DNM3: variants seen among roughly 807,000 people sequenced by gnomAD.
DNM3 encodes the protein dynamin 3, also known as dynamin-3.
In DNM3, 47 loss-of-function variants were observed where a neutral mutation model predicts 101.6. The observed-to-expected ratio is 0.46, with a 90% CI of 0.37 to 0.59. The LOEUF is 0.59. Ranked by LOEUF, DNM3 falls within the 20% of genes least tolerant of loss-of-function variation. DNM3 has a pLI of 0.00. For synonymous variants in DNM3, 385 were observed against 387.9 expected (o/e 0.99, Z 0.09); for missense variants, 849 against 1,085.7 (o/e 0.78, Z 3.06).
chr1:172,033,686 T>A (rs2048769543), intron 6 of DNM3, among the ~76,000 whole-genome samples: 1 of 152,216 alleles, frequency 6.6e-6, no homozygotes, highest in Non-Finnish European at 1.5e-5. Context: ...TTGTTTAGAA[T>A]TGATTTGTTT....
chr1:171,926,101 A>G (rs755658562), intron 2 of DNM3, among the ~76,000 whole-genome samples: 3 of 152,144 alleles, frequency 2.0e-5, no homozygotes, highest in Non-Finnish European at 2.9e-5. Context: ...TTTGGTTACT[A>G]TAGCCTTGTA....
chr1:172,016,803 T>G (rs1281727671), intron 4 of DNM3, among the ~76,000 whole-genome samples: 1 of 152,160 alleles, frequency 6.6e-6, no homozygotes, highest in Non-Finnish European at 1.5e-5. Context: ...ACCTATTTCT[T>G]CTGGTGTGAT....
At chr1:172,061,589 A>G (rs966820429) in intron 10 of DNM3, among the ~76,000 whole-genome samples, 31 of 151,598 alleles carry the variant, frequency 2.0e-4, no homozygotes, top group African/African-American at 7.3e-4. Flanking sequence ...TCAGTAAACT[A>G]TCTCAAGAAC....
intron 2 of DNM3, among the ~76,000 whole-genome samples, chr1:171,922,945 G>A (rs2093184): frequency 0.62 from 94,361 of 152,046 alleles, 29,386 homozygotes; most frequent in Middle Eastern, 0.68. Context: ...TTGTCCATTC[G>A]TTAACTGAGG....
intron 4 of DNM3, among the ~76,000 whole-genome samples, chr1:172,002,714 G>C (rs963842059): frequency 2.3e-4 from 35 of 151,990 alleles, no homozygotes; most frequent in African/African-American, 7.2e-5. Flanking sequence ...TTGGGAAAAT[G>C]ATATGATTAT....
intron 14 of DNM3, among the ~76,000 whole-genome samples, chr1:172,192,989 A>G (rs1454834025): frequency 1.3e-5 from 2 of 151,426 alleles, no homozygotes; most frequent in African/African-American, 2.4e-5. Context: ...TTACAGTCCC[A>G]CCAACAGTGT....
intron 20 of DNM3, among the ~76,000 whole-genome samples, chr1:172,402,920 A>C (rs565533192): frequency 6.6e-6 from 1 of 152,292 alleles, no homozygotes; most frequent in East Asian, 1.9e-4. Flanking sequence ...GCAAAGTAAA[A>C]ATCTTTTTTT....
intron 1 of DNM3, among the ~76,000 whole-genome samples, chr1:171,863,704 A>C (rs192302781): frequency 1.1e-4 from 17 of 152,176 alleles, no homozygotes; most frequent in African/African-American, 4.1e-4. Context: ...TGAACGACTA[A>C]GGTTCCTAGA....
chr1:172,358,928 G>A (rs188134820), intron 17 of DNM3, among the ~76,000 whole-genome samples: 64 of 152,028 alleles, frequency 4.2e-4, no homozygotes, highest in African/African-American at 1.4e-3. Flanking sequence ...AGAGTAGTCG[G>A]TATGATTTCA....
chr1:172,278,985 T>C (rs2063388673), intron 15 of DNM3, among the ~76,000 whole-genome samples: 1 of 152,190 alleles, frequency 6.6e-6, no homozygotes, highest in Non-Finnish European at 1.5e-5. Flanking sequence ...TTATTTTCAC[T>C]AGCAAACTGG....
At chr1:172,141,328 T>C (rs1289298290) in intron 14 of DNM3, among the ~76,000 whole-genome samples, 1 of 152,096 alleles carries the variant, frequency 6.6e-6, no homozygotes, top group Non-Finnish European at 1.5e-5. Flanking sequence ...AACTCAGGAA[T>C]TTCCTGTCTC....
intron 15 of DNM3, among the ~76,000 whole-genome samples, chr1:172,265,751 C>A (rs201474400): frequency 2.0e-5 from 3 of 152,102 alleles, no homozygotes; most frequent in East Asian, 3.8e-4. Flanking sequence ...CCCAGGCAGG[C>A]GTTCAGTTTT....
chr1:172,224,040 A>C (rs1420470929), intron 14 of DNM3, among the ~76,000 whole-genome samples: 1 of 152,148 alleles, frequency 6.6e-6, no homozygotes, highest in Non-Finnish European at 1.5e-5. Context: ...CAAACTTCTT[A>C]GTTTAGTGTT....
chr1:172,129,810 A>G (rs1008385449), intron 13 of DNM3, among the ~76,000 whole-genome samples: 2 of 152,174 alleles, frequency 1.3e-5, no homozygotes, highest in African/African-American at 4.8e-5. Context: ...AAACTATATC[A>G]CTATACTATA....
chr1:172,418,251 T>C, intron 20 of DNM3: 1 of 1,264,614 alleles, frequency 7.9e-7, no homozygotes, highest in Non-Finnish European at 1.0e-6. Context: ...CTTTTTGTTA[T>C]TTTGTTTTGT....
chr1:172,158,729 A>C (rs1006682496), intron 14 of DNM3, among the ~76,000 whole-genome samples: 3 of 152,072 alleles, frequency 2.0e-5, no homozygotes, highest in Non-Finnish European at 4.4e-5. Context: ...TTGTTTTCAG[A>C]GACAAGTAAA....
At chr1:172,226,876 TAA>T (rs1573023120) in intron 14 of DNM3, among the ~76,000 whole-genome samples, 1 of 152,260 alleles carries the variant, frequency 6.6e-6, no homozygotes, top group East Asian at 1.9e-4. Context: ...TGGGTCAAAA[TAA>T]AGACACATTT....
At chr1:172,306,222 T>A (rs1245917021) in intron 15 of DNM3, among the ~76,000 whole-genome samples, 1 of 152,176 alleles carries the variant, frequency 6.6e-6, no homozygotes, top group Non-Finnish European at 1.5e-5. Context: ...ATCACAAGCA[T>A]TCTTATACAC....
At chr1:172,115,449 A>G (rs1381151295) in intron 13 of DNM3, among the ~76,000 whole-genome samples, 2 of 152,278 alleles carry the variant, frequency 1.3e-5, no homozygotes, top group Middle Eastern at 3.4e-3. Flanking sequence ...CAGTGAGATC[A>G]TATTACTTCC....
Sources: gnomAD v4.1 joint callset for allele counts (sites outside exome capture counted in the v4.1 genomes callset) on GRCh38, gnomAD v4.1.1 for gene constraint, MANE v1.5 for transcripts, NCBI Gene and HGNC (gene_info 2026-07-23, HGNC 2026-07-21) for gene names.